Variants in GUCY1B1 observed in about 807,000 individuals in gnomAD.
GUCY1B1 encodes the protein guanylate cyclase 1 soluble subunit beta 1.
In GUCY1B1, 43 loss-of-function variants were observed where a neutral mutation model predicts 71.0. The ratio of observed to expected loss-of-function variants is 0.61; its 90% CI spans 0.47 to 0.78. The LOEUF is 0.78. Ranked by LOEUF, GUCY1B1 falls within the 30% of genes least tolerant of loss-of-function variation. The probability of loss-of-function intolerance (pLI) is 0.00; values close to 1 mark genes in which losing one functional copy is unlikely to be tolerated. For missense variants in GUCY1B1, 535 were observed against 754.1 expected (o/e 0.71, Z 3.40); for synonymous variants, 266 against 259.7 (o/e 1.02, Z -0.23).
intron 2 of GUCY1B1, among the ~76,000 whole-genome samples, chr4:155,761,260 A>G (rs976835857): frequency 6.6e-6 from 1 of 152,208 alleles, no homozygotes; most frequent in African/African-American, 2.4e-5. Context: ...ACAGATATCA[A>G]CAAGGCAGAC....
chr4:155,760,818 A>G (rs1736952510), intron 2 of GUCY1B1, among the ~76,000 whole-genome samples: 1 of 152,132 alleles, frequency 6.6e-6, no homozygotes, highest in Non-Finnish European at 1.5e-5. Context: ...ATGGGAATAC[A>G]CTGTTATTAT....
chr4:155,770,203 A>C (rs1016409056), intron 2 of GUCY1B1, among the ~76,000 whole-genome samples: 1 of 152,128 alleles, frequency 6.6e-6, no homozygotes, highest in Non-Finnish European at 1.5e-5. Flanking sequence ...ACTTTTCTTA[A>C]ATTTACTGGT....
chr4:155,782,110 C>T (rs989774216), intron 4 of GUCY1B1, among the ~76,000 whole-genome samples: 2 of 152,038 alleles, frequency 1.3e-5, no homozygotes, highest in African/African-American at 4.8e-5. Flanking sequence ...GAGTCTTGCT[C>T]TGTCGCCCAG....
At chr4:155,788,544 T>C (rs1387148509) in intron 4 of GUCY1B1, among the ~76,000 whole-genome samples, 2 of 152,332 alleles carry the variant, frequency 1.3e-5, no homozygotes, top group East Asian at 3.9e-4. Flanking sequence ...TCAAGGTCCA[T>C]AACCCTCATC....
At chr4:155,778,161 T>G (rs1455303374) in intron 4 of GUCY1B1, among the ~76,000 whole-genome samples, 1 of 152,206 alleles carries the variant, frequency 6.6e-6, no homozygotes, top group Non-Finnish European at 1.5e-5. Flanking sequence ...TAGTTAAATA[T>G]TAATTAATCT....
chr4:155,768,376 T>C (rs1737478313), intron 2 of GUCY1B1, among the ~76,000 whole-genome samples: 1 of 151,782 alleles, frequency 6.6e-6, no homozygotes, highest in Admixed American at 6.6e-5. Flanking sequence ...TACCTAGTTT[T>C]AAAAAATAAA....
intron 8 of GUCY1B1, among the ~76,000 whole-genome samples, chr4:155,797,735 A>AAATAT (rs1554013181): frequency 6.9e-6 from 1 of 144,978 alleles, no homozygotes; most frequent in East Asian, 2.0e-4. Context: ...CACTGTCTCA[A>AAATAT]AATAATAATA....
intron 2 of GUCY1B1, among the ~76,000 whole-genome samples, chr4:155,764,724 G>T (rs1321481302): frequency 6.6e-6 from 1 of 152,174 alleles, no homozygotes; most frequent in Admixed American, 6.5e-5. Flanking sequence ...GCATTGTATT[G>T]TGTGTTGGCT....
At chr4:155,791,616 A>C (rs1359571492) in intron 5 of GUCY1B1, among the ~76,000 whole-genome samples, 1 of 151,158 alleles carries the variant, frequency 6.6e-6, no homozygotes, top group Non-Finnish European at 1.5e-5. Flanking sequence ...CTATAATCCC[A>C]GCTACTCGGG....
chr4:155,760,230 G>T lies in GUCY1B1; in HGVS notation c.77+370G>T, dbSNP rs1335386182. Among the ~76,000 whole-genome samples the T allele has an allele frequency of 2.6e-5, 4 of 152,182 alleles. No individual in the cohort carries two copies. The East Asian group carries it at 7.7e-4, about 29-fold the overall frequency. ...ACACGGGCCTCCGCGAGGTTCCTGC[G>T]CCCGGAGGCCTTAGAAACAAACGGA... On this transcript the variant is annotated intron_variant, in intron 2 of 13. Coordinates refer to ENST00000264424, the MANE Select transcript of GUCY1B1 (RefSeq NM_000857.5).
chr4:155,774,932 C>A (rs1417570982), intron 2 of GUCY1B1, 36 bp from the exon 3 acceptor site: 3 of 1,086,354 alleles, frequency 2.8e-6, no homozygotes, highest in Middle Eastern at 2.0e-4. Flanking sequence ...TTAACTTCAA[C>A]TTTTCTCTTC....
chr4:155,796,438 G>T lies in GUCY1B1; in HGVS notation c.905G>T (p.Ser302Ile). Residue 302 changes from serine (S) to isoleucine (I), a missense_variant, in exon 8 of 14, where the codon AGC (serine) becomes ATC (isoleucine). By Grantham distance (142) the Ser-to-Ile change is moderately radical. Transcript: ENST00000264424. ...CEDELTGTEI[S>I]CLRLKGQMIY... ...GATGAACTGACTGGGACTGAGATCA[G>T]CTGCTTACGTCTCAAGGGTCAAATG... The T allele has an allele frequency of 1.9e-6, 3 of 1,611,556 alleles. No individual in the cohort carries two copies. Among genetic ancestry groups the T allele is most frequent in the Non-Finnish European group, 2.5e-6 (3 of 1,177,702 alleles).
At chr4:155,797,760 A>AATAATAATAAT (rs1244133516) in intron 8 of GUCY1B1, among the ~76,000 whole-genome samples, 4 of 149,526 alleles carry the variant, frequency 2.7e-5, no homozygotes, top group African/African-American at 9.8e-5. Context: ...TAATAATAAT[A>AATAATAATAAT]ATATATCGTT....
chr4:155,800,208 T>C, intron 9 of GUCY1B1, 134 bp downstream of exon 9: 1 of 509,104 alleles, frequency 2.0e-6, no homozygotes, highest in South Asian at 4.1e-5. Flanking sequence ...ATCTTTCACA[T>C]TGCTTTTAAA....
In GUCY1B1 at chr4:155,804,610, C is replaced by T; in HGVS notation, c.1572C>T (p.His524=). 6.2e-7 allele frequency: 1 copy of T among 1,612,288 alleles called. No homozygotes were observed. The highest frequency in any genetic ancestry group is 1.1e-5 in the South Asian group (1 of 91,030). ...GESVQITIGI[H]TGEVVTGVIG... ...TTTTGCAGATAACAATAGGGATACACACTGGAGAGGTAGTTACAGGTGTCA... is the reference window on the plus strand; with the variant it reads ...TTTTGCAGATAACAATAGGGATACATACTGGAGAGGTAGTTACAGGTGTCA... Residue 524 remains histidine (H), a synonymous_variant, in exon 12 of 14, where the codon CAC becomes CAT. Coordinates refer to ENST00000264424, the MANE Select transcript of GUCY1B1 (RefSeq NM_000857.5).
At position 155,759,108 on chromosome 4, in the gene GUCY1B1, GGGGCTGCCTCCC is replaced by G. The variant is rs752447469; in HGVS notation, c.-32_-21del. ...GTCCCTTCGGCCGTACCTCTGCGTGGGGGCTGCCTCCCCGGCTCCCGGTGCAGACACCATGGT... is the reference window on the plus strand; with the variant it reads ...GTCCCTTCGGCCGTACCTCTGCGTGGCGGCTCCCGGTGCAGACACCATGGT... On this transcript the variant is annotated 5_prime_UTR_variant, in exon 1 of 14. Coordinates refer to ENST00000264424, the MANE Select transcript of GUCY1B1 (RefSeq NM_000857.5). The G allele has an allele frequency of 7.0e-5, 111 of 1,588,910 alleles. No individual in the cohort carries two copies. The highest frequency in any genetic ancestry group is 9.0e-5 in the Non-Finnish European group (105 of 1,168,428).
intron 4 of GUCY1B1, 149 bp from the exon 5 acceptor site, chr4:155,789,565 C>T (rs1739016811): frequency 4.0e-6 from 2 of 499,590 alleles, no homozygotes; most frequent in Admixed American, 7.3e-5. Context: ...TTACAGATAT[C>T]TCAGTGGAGT....
chr4:155,778,737 T>C (rs1198576769), intron 4 of GUCY1B1, among the ~76,000 whole-genome samples: 1 of 152,212 alleles, frequency 6.6e-6, no homozygotes, highest in Non-Finnish European at 1.5e-5. Context: ...GATATTTAAA[T>C]AAAATTGAAC....
At position 155,807,407 on chromosome 4, in the gene GUCY1B1, G is replaced by C. The variant is rs189000183; in HGVS notation, c.*998G>C. On this transcript the variant is annotated 3_prime_UTR_variant, in exon 14 of 14. Transcript: ENST00000264424. ...AGAATGCATTACTGTTGGAATAATT[G>C]GCCTCTAGCTCTTAAATGTCTCTGA... The C allele has an allele frequency of 1.3e-5, 2 of 152,142 alleles. No homozygotes were observed. The highest frequency in any genetic ancestry group is 3.9e-4 in the East Asian group (2 of 5,184). The allele number at this position is 152,142 out of a possible 1,614,324, so 9.4% of individuals were successfully genotyped here. A position where few individuals can be genotyped will look rare whatever the true frequency, so the allele number is the denominator to read the frequency against.
Sources: allele counts gnomAD v4.1 joint callset (sites outside exome capture counted in the v4.1 genomes callset), GRCh38; gene constraint gnomAD v4.1.1; transcripts MANE v1.5; gene names NCBI Gene and HGNC (gene_info 2026-07-23, HGNC 2026-07-21).